NEGR1: variants seen among roughly 807,000 people sequenced by gnomAD.
NEGR1 encodes neuronal growth regulator 1.
Under a neutral mutation model 40.9 loss-of-function variants are expected in NEGR1, and 10 were observed. The ratio of observed to expected loss-of-function variants is 0.24; its 90% confidence interval spans 0.15 to 0.42. NEGR1 has a LOEUF of 0.42. NEGR1 is among the 10% of genes least tolerant of loss of function. NEGR1 has a pLI of 1.00. For missense variants in NEGR1, 352 were observed against 438.9 expected (o/e 0.80, Z 1.77); for synonymous variants, 185 against 166.8 (o/e 1.11, Z -0.84).
chr1:71,570,693 C>T (rs111857477), intron 6 of NEGR1, among the ~76,000 whole-genome samples: 5,400 of 151,504 alleles, frequency 0.036, 322 homozygotes, highest in African/African-American at 0.12. Context: ...TGTTCTGAAA[C>T]GTTACTGGAT....
chr1:71,682,176 C>T (rs1652861899), intron 4 of NEGR1, among the ~76,000 whole-genome samples: 1 of 151,970 alleles, frequency 6.6e-6, no homozygotes, highest in Non-Finnish European at 1.5e-5. Context: ...TTAATCCCCT[C>T]TTTAGTTATA....
intron 4 of NEGR1, among the ~76,000 whole-genome samples, chr1:71,667,803 A>G (rs1019346532): frequency 1.4e-4 from 21 of 152,148 alleles, no homozygotes; most frequent in African/African-American, 3.1e-4. Flanking sequence ...TGGGCAAGCT[A>G]TTTAACTCCT....
At chr1:71,672,713 TA>T (rs1015342860) in intron 4 of NEGR1, among the ~76,000 whole-genome samples, 1 of 151,690 alleles carries the variant, frequency 6.6e-6, no homozygotes, top group East Asian at 1.9e-4. Context: ...TTGACAGACT[TA>T]AAAAAAATAA....
chr1:72,130,485 T>C (rs774200861), intron 1 of NEGR1, among the ~76,000 whole-genome samples: 6 of 152,176 alleles, frequency 3.9e-5, no homozygotes, highest in Non-Finnish European at 7.4e-5. Flanking sequence ...CTCTGTATGA[T>C]GTCAAGTTTC....
rs184650690 is a variant in NEGR1, at chr1:71,688,033, C to T, written c.667+9975G>A. Among the ~76,000 whole-genome samples, 213 of 151,888 alleles carry T rather than the reference C, an allele frequency of 1.4e-3. 1 individual carries two copies. Among genetic ancestry groups the T allele is most frequent in the East Asian group, 2.5e-3 (13 of 5,158 alleles). On this transcript the variant is annotated intron_variant, in intron 4 of 6. Transcript: ENST00000357731. The stretch of plus-strand genomic sequence containing the variant: ...CATATTTTATATTTATTTATTTATT[C>T]TATCAACATACATTGATTATCAGTT...
intron 2 of NEGR1, among the ~76,000 whole-genome samples, chr1:71,836,801 C>T (rs948632932): frequency 6.6e-6 from 1 of 152,066 alleles, no homozygotes; most frequent in Non-Finnish European, 1.5e-5. Flanking sequence ...CCCGCTACTA[C>T]ACTTCTGAGA....
intron 6 of NEGR1, among the ~76,000 whole-genome samples, chr1:71,590,476 C>T (rs1649461620): frequency 6.6e-6 from 1 of 151,990 alleles, no homozygotes. Flanking sequence ...GATGGGGTTC[C>T]AGTCCTACTC....
chr1:72,073,836 A>G (rs1164225889), intron 1 of NEGR1, among the ~76,000 whole-genome samples: 2 of 152,040 alleles, frequency 1.3e-5, no homozygotes, highest in Non-Finnish European at 2.9e-5. Flanking sequence ...AGACATAAGA[A>G]AGAAAAATGG....
At chr1:71,854,152 A>C (rs563047264) in intron 2 of NEGR1, among the ~76,000 whole-genome samples, 140 of 152,212 alleles carry the variant, frequency 9.2e-4, no homozygotes, top group Non-Finnish European at 1.7e-3. Context: ...AGGCAAACCT[A>C]TGTTCTCTTC....
chr1:71,527,437 AT>A (rs1647231672), intron 6 of NEGR1, among the ~76,000 whole-genome samples: 2 of 150,824 alleles, frequency 1.3e-5, no homozygotes, highest in Non-Finnish European at 3.0e-5. Context: ...CCATCCATCC[AT>A]CCATCCATCC....
intron 1 of NEGR1, among the ~76,000 whole-genome samples, chr1:72,090,711 G>A (rs995102889): frequency 1.3e-5 from 2 of 151,972 alleles, no homozygotes. Context: ...AAATTAAAAC[G>A]AGCACAGTCT....
rs180968050 is a variant in NEGR1, at chr1:71,449,546, G to A, written c.941-41976C>T. Among the ~76,000 whole-genome samples, 679 of 152,256 alleles carry A rather than the reference G, an allele frequency of 4.5e-3. 5 individuals carry two copies. The highest frequency in any genetic ancestry group is 0.015 in the African/African-American group (643 of 41,542). On this transcript the variant is annotated intron_variant, in intron 6 of 6. Transcript: ENST00000357731. ...GAACAATTACATAATGGCAGATAAAGATAACTATAATTTCGTTTTGACAAT... is the reference window on the plus strand; with the variant it reads ...GAACAATTACATAATGGCAGATAAAAATAACTATAATTTCGTTTTGACAAT...
intron 1 of NEGR1, among the ~76,000 whole-genome samples, chr1:71,968,042 C>G (rs1570563208): frequency 8.5e-6 from 1 of 117,246 alleles, no homozygotes; most frequent in East Asian, 2.0e-4. Flanking sequence ...CTTCAAGAAG[C>G]CATATGAATG....
intron 2 of NEGR1, among the ~76,000 whole-genome samples, chr1:71,907,698 G>A (rs1255156654): frequency 1.3e-5 from 2 of 152,052 alleles, no homozygotes; most frequent in Non-Finnish European, 2.9e-5. Flanking sequence ...TATGCATGAA[G>A]TTGTACGTTC....
chr1:71,523,641 G>T (rs539304990), intron 6 of NEGR1, among the ~76,000 whole-genome samples: 1 of 151,916 alleles, frequency 6.6e-6, no homozygotes, highest in African/African-American at 2.4e-5. Flanking sequence ...TGGATTTCTG[G>T]ATTTAGCGAT....
chr1:71,934,388 C>T (rs1002435066), intron 2 of NEGR1, among the ~76,000 whole-genome samples: 2 of 152,042 alleles, frequency 1.3e-5, no homozygotes, highest in Admixed American at 6.6e-5. Context: ...TAGCATAATT[C>T]ATGATCTACT....
At chr1:72,075,079 A>C (rs967394103) in intron 1 of NEGR1, among the ~76,000 whole-genome samples, 1 of 152,150 alleles carries the variant, frequency 6.6e-6, no homozygotes, top group Non-Finnish European at 1.5e-5. Context: ...CATGGAATAA[A>C]ATAACTTAGC....
chr1:71,496,718 G>A lies in NEGR1; in HGVS notation c.941-89148C>T, dbSNP rs1383330010. ...AAAACAGGATGTTTGATTATCTCTT[G>A]TTCTGCTAAAATCACACTACAGAGC... is the stretch of plus-strand genomic sequence containing the variant. On this transcript the variant is annotated intron_variant, in intron 6 of 6. Coordinates refer to ENST00000357731, the MANE Select transcript of NEGR1 (RefSeq NM_173808.3). Among the ~76,000 whole-genome samples the A allele has an allele frequency of 2.6e-5, 4 of 152,006 alleles. No homozygotes were observed. The South Asian group carries it at 8.3e-4, about 31-fold the overall frequency.
intron 6 of NEGR1, among the ~76,000 whole-genome samples, chr1:71,545,579 C>T (rs998288188): frequency 1.3e-5 from 2 of 151,678 alleles, no homozygotes; most frequent in Admixed American, 6.6e-5. Flanking sequence ...CTTCTTGAGA[C>T]ATATTCTTAA....
Sources: allele counts gnomAD v4.1 joint callset (sites outside exome capture counted in the v4.1 genomes callset), GRCh38; gene constraint gnomAD v4.1.1; transcripts MANE v1.5; gene names NCBI Gene and HGNC (gene_info 2026-07-23, HGNC 2026-07-21).